ARHGAP12: variants seen among roughly 807,000 people sequenced by gnomAD.
The protein encoded by ARHGAP12 is Rho GTPase activating protein 12.
Under a neutral mutation model 108.6 loss-of-function variants are expected in ARHGAP12, and 64 were observed. That is an observed-to-expected ratio of 0.59 (90% CI 0.48 to 0.73). ARHGAP12 has a LOEUF of 0.73. ARHGAP12 is among the 30% of genes least tolerant of loss of function. ARHGAP12 has a pLI of 0.00. For synonymous variants in ARHGAP12, 312 were observed against 337.2 expected (o/e 0.93, Z 0.82); for missense variants, 940 against 1,005.9 (o/e 0.93, Z 0.89).
intron 1 of ARHGAP12, among the ~76,000 whole-genome samples, chr10:31,912,808 G>A (rs1839405331): frequency 6.6e-6 from 1 of 152,034 alleles, no homozygotes; most frequent in African/African-American, 2.4e-5. Context: ...TAAACATGCA[G>A]AAAGCCACAT....
At chr10:31,815,310 G>A (rs1835166618) in intron 13 of ARHGAP12, among the ~76,000 whole-genome samples, 1 of 152,082 alleles carries the variant, frequency 6.6e-6, no homozygotes. Flanking sequence ...AAGGGTTCCA[G>A]TTTTTTCTTG....
intron 11 of ARHGAP12, among the ~76,000 whole-genome samples, chr10:31,825,187 AG>A (rs1339857755): frequency 3.3e-5 from 5 of 152,276 alleles, no homozygotes; most frequent in African/African-American, 1.2e-4. Context: ...TCCTCATCAG[AG>A]AAGCTGAGGA....
At chr10:31,859,799 CTT>C (rs371109977) in intron 4 of ARHGAP12, among the ~76,000 whole-genome samples, 6 of 144,280 alleles carry the variant, frequency 4.2e-5, no homozygotes, top group Non-Finnish European at 3.0e-5. Context: ...TAAAATTTTC[CTT>C]TTTTTTTTTT....
At chr10:31,811,550 T>C (rs1219552217) in intron 15 of ARHGAP12, among the ~76,000 whole-genome samples, 1 of 151,740 alleles carries the variant, frequency 6.6e-6, no homozygotes, top group African/African-American at 2.4e-5. Flanking sequence ...GGCTTTTTTT[T>C]TTTTTTTTTA....
intron 1 of ARHGAP12, among the ~76,000 whole-genome samples, chr10:31,915,986 G>T (rs112802080): frequency 1.2e-4 from 18 of 152,094 alleles, no homozygotes; most frequent in Admixed American, 5.9e-4. Flanking sequence ...TTCTTCCTCT[G>T]TTCCCCAGAC....
At chr10:31,866,107 A>G (rs1290714780) in intron 3 of ARHGAP12, among the ~76,000 whole-genome samples, 1 of 152,194 alleles carries the variant, frequency 6.6e-6, no homozygotes, top group African/African-American at 2.4e-5. Context: ...TAACATAACT[A>G]AAGAACCAGA....
chr10:31,880,473 C>CA (rs201422943), intron 3 of ARHGAP12, among the ~76,000 whole-genome samples: 15,941 of 146,334 alleles, frequency 0.11, 913 homozygotes, highest in Middle Eastern at 0.14. Flanking sequence ...ACAACAATAA[C>CA]AAAAAAAAAC....
At chr10:31,923,398 T>A (rs1475642144) in intron 1 of ARHGAP12, among the ~76,000 whole-genome samples, 3 of 152,212 alleles carry the variant, frequency 2.0e-5, no homozygotes, top group Non-Finnish European at 4.4e-5. Context: ...GAAATAAGTT[T>A]GGCAGATGCT....
chr10:31,820,165 G>A (rs1280318074), intron 12 of ARHGAP12, among the ~76,000 whole-genome samples: 1 of 151,960 alleles, frequency 6.6e-6, no homozygotes, highest in Non-Finnish European at 1.5e-5. Context: ...GATAGGATTT[G>A]TGAAACAAAG....
At chr10:31,870,761 A>AG (rs1837509864) in intron 3 of ARHGAP12, among the ~76,000 whole-genome samples, 1 of 152,188 alleles carries the variant, frequency 6.6e-6, no homozygotes, top group Admixed American at 6.5e-5. Flanking sequence ...GCCAAATTTT[A>AG]GGGGGAAAAA....
chr10:31,909,200 G>A (rs1270352162), intron 2 of ARHGAP12, among the ~76,000 whole-genome samples: 1 of 152,190 alleles, frequency 6.6e-6, no homozygotes, highest in African/African-American at 2.4e-5. Context: ...AGACACAAGA[G>A]TTGAGAAGAA....
At chr10:31,913,705 AAGAGAATGAGGAAGAAGAGG>A (rs1839445199) in intron 1 of ARHGAP12, 2 of 153,526 alleles carry the variant, frequency 1.3e-5, no homozygotes, top group Admixed American at 1.3e-4. Context: ...GAGGAAAATG[AAGAGAATGAGGAAGAAGAGG>A]AAAATAAAGA....
At chr10:31,840,284 A>C (rs1169381922) in intron 7 of ARHGAP12, among the ~76,000 whole-genome samples, 1 of 152,038 alleles carries the variant, frequency 6.6e-6, no homozygotes, top group Non-Finnish European at 1.5e-5. Context: ...TTTAAATATT[A>C]ATAACTCCCC....
At chr10:31,834,717 T>C (rs1269159697) in intron 9 of ARHGAP12, among the ~76,000 whole-genome samples, 1 of 152,190 alleles carries the variant, frequency 6.6e-6, no homozygotes, top group Non-Finnish European at 1.5e-5. Flanking sequence ...AAGCATGTAG[T>C]TGGCATTCAA....
chr10:31,851,237 T>C (rs1405000396), intron 6 of ARHGAP12, among the ~76,000 whole-genome samples: 5 of 152,110 alleles, frequency 3.3e-5, no homozygotes, highest in African/African-American at 1.2e-4. Flanking sequence ...AATAAAGTGG[T>C]TTAAAATATG....
At chr10:31,896,863 A>G (rs1300331063) in intron 3 of ARHGAP12, among the ~76,000 whole-genome samples, 2 of 152,226 alleles carry the variant, frequency 1.3e-5, no homozygotes, top group Non-Finnish European at 2.9e-5. Context: ...TTACAGAACC[A>G]AAGTCACGTG....
intron 1 of ARHGAP12, among the ~76,000 whole-genome samples, chr10:31,920,543 A>G (rs1284617872): frequency 6.6e-6 from 1 of 151,756 alleles, no homozygotes; most frequent in Non-Finnish European, 1.5e-5. Context: ...ACATTTTGTC[A>G]TCTACTGGAA....
At chr10:31,835,606 A>G (rs566665063) in intron 9 of ARHGAP12, among the ~76,000 whole-genome samples, 14 of 152,374 alleles carry the variant, frequency 9.2e-5, no homozygotes, top group African/African-American at 3.4e-4. Flanking sequence ...GCATTCTTTT[A>G]GTAAAGTAGG....
intron 3 of ARHGAP12, among the ~76,000 whole-genome samples, chr10:31,876,752 A>G (rs1592323206): frequency 6.6e-6 from 1 of 152,312 alleles, no homozygotes; most frequent in Non-Finnish European, 1.5e-5. Flanking sequence ...TTCAAAGTGC[A>G]GGAAACAAAA....
Sources: gnomAD v4.1 joint callset for allele counts (sites outside exome capture counted in the v4.1 genomes callset) on GRCh38, gnomAD v4.1.1 for gene constraint, MANE v1.5 for transcripts, NCBI Gene and HGNC (gene_info 2026-07-23, HGNC 2026-07-21) for gene names.